Variants in SORT1 observed in about 807,000 individuals in gnomAD.
The protein encoded by SORT1 is sortilin 1, also known as sortilin.
SORT1 carries 39 observed loss-of-function variants against 101.7 expected under a neutral mutation model. That is an observed-to-expected ratio of 0.38 (90% CI 0.30 to 0.50). SORT1 has a LOEUF of 0.50. Ranked by LOEUF, SORT1 falls within the 20% of genes least tolerant of loss-of-function variation. The pLI is 0.90. For synonymous variants in SORT1, 396 were observed against 393.7 expected, an observed-to-expected ratio of 1.01 and a Z score of -0.07; for missense variants, 878 against 1,040.4, an observed-to-expected ratio of 0.84 and a Z score of 2.15.
chr1:109,344,359 C>T (rs988852966), intron 8 of SORT1, among the ~76,000 whole-genome samples: 5 of 152,236 alleles, frequency 3.3e-5, no homozygotes, highest in Non-Finnish European at 7.3e-5. Context: ...AAGAGTAAGG[C>T]CCACATCCTA....
chr1:109,314,280 T>C lies in SORT1; in HGVS notation c.2462A>G (p.Tyr821Cys). 6.2e-7 allele frequency: 1 copy of C among 1,613,692 alleles called. No homozygotes were observed. Among genetic ancestry groups the C allele is most frequent in the Non-Finnish European group, 8.5e-7 (1 of 1,179,830 alleles). ...DTASHTNKSG[Y>C]HDDSDEDLLE ...CCTCACCTCATCTGAGTCATCATGATAACCACTTTTATTAGTGTGGGAGGC... is the reference window on the plus strand; with the variant it reads ...CCTCACCTCATCTGAGTCATCATGACAACCACTTTTATTAGTGTGGGAGGC... Residue 821 changes from tyrosine (Y) to cysteine (C), a missense_variant, in exon 19 of 20, where the codon TAT becomes TGT. Coordinates refer to ENST00000256637, the MANE Select transcript of SORT1 (RefSeq NM_002959.7).
At chr1:109,361,427 C>T (rs1459057539) in intron 3 of SORT1, among the ~76,000 whole-genome samples, 1 of 152,138 alleles carries the variant, frequency 6.6e-6, no homozygotes, top group East Asian at 1.9e-4. Context: ...AATATTCTAC[C>T]ATGGATTACT....
chr1:109,315,216 A>T (rs188774278), intron 17 of SORT1, among the ~76,000 whole-genome samples: 63 of 152,304 alleles, frequency 4.1e-4, no homozygotes, highest in African/African-American at 1.4e-3. Context: ...CCATTATATG[A>T]CACCAAGATT....
chr1:109,335,871 T>A (rs1427848297), intron 11 of SORT1, among the ~76,000 whole-genome samples: 1 of 152,248 alleles, frequency 6.6e-6, no homozygotes, highest in African/African-American at 2.4e-5. Context: ...TGAGCAAGGC[T>A]GTGCACTGCT....
chr1:109,326,510 CATACACATATAT>C (rs1349402025), intron 13 of SORT1, among the ~76,000 whole-genome samples: 1,427 of 132,638 alleles, frequency 0.011, 11 homozygotes, highest in Non-Finnish European at 0.015. Context: ...TATATACACA[CATACACATATAT>C]ATACACATAT....
chr1:109,390,796 T>TGCGC (rs756956110), intron 1 of SORT1, among the ~76,000 whole-genome samples: 5 of 144,826 alleles, frequency 3.5e-5, no homozygotes, highest in East Asian at 1.9e-4. Flanking sequence ...TGTGTGTGTG[T>TGCGC]GTGCGCGCGC....
intron 8 of SORT1, among the ~76,000 whole-genome samples, chr1:109,344,907 G>C (rs1244707311): frequency 1.3e-5 from 2 of 152,002 alleles, no homozygotes; most frequent in Non-Finnish European, 2.9e-5. Context: ...ATGTTGCCCA[G>C]GCTGGTCTTG....
intron 3 of SORT1, 57 bp from the exon 4 acceptor site, chr1:109,355,526 G>GT: frequency 1.3e-6 from 1 of 794,796 alleles, no homozygotes; most frequent in Non-Finnish European, 2.2e-6. Context: ...ATATTACTGA[G>GT]TTCCTACTCA....
chr1:109,395,289 CG>C (rs1653128677), intron 1 of SORT1, among the ~76,000 whole-genome samples: 1 of 128,758 alleles, frequency 7.8e-6, no homozygotes, highest in South Asian at 2.6e-4. Flanking sequence ...GGTGCGATCT[CG>C]GCTCGCTGCA....
chr1:109,358,727 G>A lies in SORT1; in HGVS notation c.441-3258C>T, dbSNP rs190544877. ...AAATTAGCCAGGCATGGTGGCACGCGCCTGAAATCCCTGCTACTCAGGAGG... is the reference window on the plus strand; with the variant it reads ...AAATTAGCCAGGCATGGTGGCACGCACCTGAAATCCCTGCTACTCAGGAGG... On this transcript the variant is annotated intron_variant, in intron 3 of 19. Transcript: ENST00000256637. 1.5e-4 allele frequency among the ~76,000 whole-genome samples: 23 copies of A among 152,050 alleles called. No homozygotes were observed. In the East Asian group the frequency reaches 3.7e-3, roughly 24 times the overall value.
intron 11 of SORT1, among the ~76,000 whole-genome samples, chr1:109,332,382 A>C (rs1648521236): frequency 6.6e-6 from 1 of 152,200 alleles, no homozygotes; most frequent in Non-Finnish European, 1.5e-5. Flanking sequence ...CAGGAGTTCA[A>C]GACTAGCTTG....
chr1:109,371,901 G>A (rs1420854149), intron 1 of SORT1, among the ~76,000 whole-genome samples: 1 of 152,078 alleles, frequency 6.6e-6, no homozygotes. Flanking sequence ...TCTACCTATA[G>A]CAAATGTAAT....
chr1:109,346,026 C>T (rs1649561166), intron 7 of SORT1, 145 bp from the exon 8 acceptor site: 3 of 720,732 alleles, frequency 4.2e-6, no homozygotes, highest in East Asian at 2.8e-5. Flanking sequence ...AAATGTGATA[C>T]AGCGGCCAGG....
chr1:109,377,533 A>G (rs1356838557), intron 1 of SORT1, among the ~76,000 whole-genome samples: 2 of 152,212 alleles, frequency 1.3e-5, no homozygotes, highest in Non-Finnish European at 2.9e-5. Flanking sequence ...ATACACTGGT[A>G]TGTGTTCTTA....
chr1:109,342,114 T>C lies in SORT1; in HGVS notation c.1008A>G (p.Thr336=). ...RIHVSTDQGD[T]WSMAQLPSVG... is the part of the protein sequence containing the mutation. The stretch of plus-strand genomic sequence containing the variant: ...CGGAGGGGAGCTGGGCCATGCTCCA[T>C]GTGTCCCCTTGATCTGTTGAAACGT... Residue 336 remains threonine, a synonymous_variant, in exon 9 of 20, where the codon ACA becomes ACG. Transcript: ENST00000256637. The C allele has an allele frequency of 1.9e-6, 3 of 1,611,104 alleles. No homozygotes were observed. Among genetic ancestry groups the C allele is most frequent in the East Asian group, 2.2e-5 (1 of 44,862 alleles).
At chr1:109,319,152 C>T (rs919634087) in intron 15 of SORT1, among the ~76,000 whole-genome samples, 2 of 152,180 alleles carry the variant, frequency 1.3e-5, no homozygotes, top group Admixed American at 6.5e-5. Flanking sequence ...TTCTGTCTTC[C>T]CCACTTCTGT....
intron 1 of SORT1, among the ~76,000 whole-genome samples, chr1:109,390,327 G>A (rs1480582787): frequency 6.6e-6 from 1 of 152,152 alleles, no homozygotes; most frequent in Non-Finnish European, 1.5e-5. Flanking sequence ...GTACATGGCA[G>A]GCAGCTCAGT....
At chr1:109,363,224 G>A (rs534810905) in intron 3 of SORT1, among the ~76,000 whole-genome samples, 31 of 152,236 alleles carry the variant, frequency 2.0e-4, no homozygotes, top group African/African-American at 7.5e-4. Context: ...TGAAAAGTTG[G>A]ACTCAAGACA....
At chr1:109,326,428 AATATATATATATATATATATATAT>A (rs1166570516) in intron 13 of SORT1, among the ~76,000 whole-genome samples, 4 of 70,912 alleles carry the variant, frequency 5.6e-5, no homozygotes, top group African/African-American at 2.3e-4. Flanking sequence ...AGACAGAAAG[AATATATATATATATATATATATAT>A]ATATATATAT....
Sources: allele counts gnomAD v4.1 joint callset (sites outside exome capture counted in the v4.1 genomes callset), GRCh38; gene constraint gnomAD v4.1.1; transcripts MANE v1.5; gene names NCBI Gene and HGNC (gene_info 2026-07-23, HGNC 2026-07-21).